LIPI: variants seen among roughly 807,000 people sequenced by gnomAD.
The protein encoded by LIPI is lipase I.
A neutral mutation model predicts 50.6 loss-of-function variants in LIPI; 59 were observed. The observed-to-expected ratio is 1.16, with a 90% CI of 0.94 to 1.45. The LOEUF (loss-of-function observed/expected upper bound fraction) is 1.45, where lower values mean the gene tolerates loss of function less well. LIPI is among the 40% of genes most tolerant of loss of function. The pLI is 0.00. For missense variants in LIPI, 586 were observed against 536.3 expected (o/e 1.09, Z -0.92); for synonymous variants, 203 against 178.2 (o/e 1.14, Z -1.11).
chr21:14,162,454 C>G (rs1488122416), intron 7 of LIPI, among the ~76,000 whole-genome samples: 8 of 151,636 alleles, frequency 5.3e-5, no homozygotes. Context: ...TAGCCACACA[C>G]GCAGGCAAGT....
At chr21:14,186,398 C>T (rs559476002) in intron 2 of LIPI, among the ~76,000 whole-genome samples, 2 of 152,242 alleles carry the variant, frequency 1.3e-5, no homozygotes, top group South Asian at 2.1e-4. Flanking sequence ...CTAGCTACCT[C>T]GATATGGGCC....
intron 7 of LIPI, among the ~76,000 whole-genome samples, chr21:14,158,876 C>G (rs1285805608): frequency 6.6e-6 from 1 of 150,912 alleles, no homozygotes; most frequent in Admixed American, 6.6e-5. Flanking sequence ...GTTCACAATT[C>G]AACACCTTAA....
intron 7 of LIPI, among the ~76,000 whole-genome samples, chr21:14,161,569 T>A (rs1568858132): frequency 1.8e-5 from 2 of 113,640 alleles, no homozygotes; most frequent in East Asian, 4.5e-4. Flanking sequence ...ATTATATCTA[T>A]TATATATATA....
chr21:14,195,298 G>T (rs2019806508), intron 1 of LIPI, among the ~76,000 whole-genome samples: 2 of 152,146 alleles, frequency 1.3e-5, no homozygotes. Flanking sequence ...GAATCACAAA[G>T]AGCTGAAAGC....
intron 9 of LIPI, among the ~76,000 whole-genome samples, chr21:14,130,214 C>G (rs2017236696): frequency 6.6e-6 from 1 of 152,098 alleles, no homozygotes; most frequent in Non-Finnish European, 1.5e-5. Flanking sequence ...GGGGTGTGCA[C>G]CTGTAACCCC....
intron 1 of LIPI, among the ~76,000 whole-genome samples, chr21:14,194,075 A>T (rs1234681021): frequency 6.6e-6 from 1 of 152,146 alleles, no homozygotes. Context: ...GGAAACAGAA[A>T]TCAAAAGTAT....
chr21:14,153,240 C>T lies in LIPI; in HGVS notation c.1007-556G>A, dbSNP rs180937837. On this transcript the variant is annotated intron_variant, in intron 7 of 9. Coordinates refer to ENST00000681601, the MANE Select transcript of LIPI (RefSeq NM_001302998.2). ...ACAGGAAAGGATGCTGAACTCACTT[C>T]TATATATTGCCAGGCCTGTACAGGA... 3.3e-5 allele frequency among the ~76,000 whole-genome samples: 5 copies of T among 152,224 alleles called. No individual in the cohort carries two copies. The East Asian group carries it at 9.7e-4, about 29-fold the overall frequency.
chr21:14,159,802 A>G lies in LIPI; in HGVS notation c.1006+3617T>C, dbSNP rs2018400283. On this transcript the variant is annotated intron_variant, in intron 7 of 9. Coordinates refer to ENST00000681601, the MANE Select transcript of LIPI (RefSeq NM_001302998.2). ...TGAATTCAGCAAGTTCCCAGGAAAC[A>G]AATTCAACACAAAAGATGCGATCTC... Among the ~76,000 whole-genome samples, 2 of 151,488 alleles carry G rather than the reference A, an allele frequency of 1.3e-5. 1 individual carries two copies. Among genetic ancestry groups the G allele is most frequent in the South Asian group, 4.1e-4 (2 of 4,834 alleles).
intron 1 of LIPI, among the ~76,000 whole-genome samples, chr21:14,206,047 A>G (rs2020217146): frequency 6.6e-6 from 1 of 152,182 alleles, no homozygotes; most frequent in African/African-American, 2.4e-5. Flanking sequence ...AGCAGCAAAA[A>G]TGTTAAAAAT....
intron 7 of LIPI, among the ~76,000 whole-genome samples, chr21:14,153,058 C>T (rs969612286): frequency 1.3e-4 from 20 of 152,254 alleles, no homozygotes; most frequent in African/African-American, 4.8e-4. Flanking sequence ...GGTAAGATTT[C>T]TTAATTATCT....
At chr21:14,123,636 A>G (rs2016944001) in intron 9 of LIPI, among the ~76,000 whole-genome samples, 1 of 152,196 alleles carries the variant, frequency 6.6e-6, no homozygotes, top group African/African-American at 2.4e-5. Flanking sequence ...GTAGCTGGAA[A>G]GATAACAAAT....
intron 9 of LIPI, among the ~76,000 whole-genome samples, chr21:14,133,750 T>G (rs966849278): frequency 2.0e-5 from 3 of 152,134 alleles, no homozygotes; most frequent in African/African-American, 7.2e-5. Context: ...CCAAAAAAAC[T>G]CTTAAATTTA....
At chr21:14,165,424 A>G (rs1281363968) in intron 5 of LIPI, 34 bp from the exon 6 acceptor site, 4 of 1,496,346 alleles carry the variant, frequency 2.7e-6, no homozygotes, top group African/African-American at 1.4e-5. Flanking sequence ...AGAACTGTAG[A>G]TGTATTAAGC....
chr21:14,161,571 AT>A (rs1568858148), intron 7 of LIPI, among the ~76,000 whole-genome samples: 2 of 62,362 alleles, frequency 3.2e-5, no homozygotes, highest in African/African-American at 1.2e-4. Flanking sequence ...TATATCTATT[AT>A]ATATATAATA....
chr21:14,149,599 C>T (rs2018017976), intron 8 of LIPI, among the ~76,000 whole-genome samples: 1 of 152,158 alleles, frequency 6.6e-6, no homozygotes, highest in South Asian at 2.1e-4. Flanking sequence ...CCTGTAAAAT[C>T]AAAAGCAAGT....
chr21:14,128,888 C>CTATATCCAAAAACAA (rs2017173625), intron 9 of LIPI, among the ~76,000 whole-genome samples: 1 of 151,908 alleles, frequency 6.6e-6, no homozygotes, highest in African/African-American at 2.4e-5. Flanking sequence ...TTAACAACGC[C>CTATATCCAAAAACAA]CTGGGTGAGA....
intron 9 of LIPI, among the ~76,000 whole-genome samples, chr21:14,109,709 A>T (rs2016327088): frequency 6.6e-6 from 1 of 152,066 alleles, no homozygotes; most frequent in Non-Finnish European, 1.5e-5. Flanking sequence ...CTATTAGTGC[A>T]TATATAGTAA....
intron 4 of LIPI, among the ~76,000 whole-genome samples, chr21:14,181,550 G>A (rs74343524): frequency 1.3e-5 from 2 of 152,072 alleles, no homozygotes; most frequent in East Asian, 3.9e-4. Flanking sequence ...ACCCGAAGGA[G>A]GCAAACTGAA....
rs140193676 is a variant in LIPI, at chr21:14,159,589, G to A, written c.1006+3830C>T. ...GATTTTTTTTTTCTCTAAGGCAAAG[G>A]TATCTGTGCTTACCACTATTATTCA... On this transcript the variant is annotated intron_variant, in intron 7 of 9. Coordinates refer to ENST00000681601, the MANE Select transcript of LIPI (RefSeq NM_001302998.2). Among the ~76,000 whole-genome samples the A allele has an allele frequency of 9.7e-3, 1,472 of 151,100 alleles. 12 individuals are homozygous for A. The highest frequency in any genetic ancestry group is 0.033 in the African/African-American group (1,380 of 41,376).
Sources: gnomAD v4.1 joint callset for allele counts (sites outside exome capture counted in the v4.1 genomes callset) on GRCh38, gnomAD v4.1.1 for gene constraint, MANE v1.5 for transcripts, NCBI Gene and HGNC (gene_info 2026-07-23, HGNC 2026-07-21) for gene names.